Variants in RUNX1T1 observed in about 807,000 individuals in gnomAD.
RUNX1T1 encodes RUNX1 partner transcriptional co-repressor 1.
In RUNX1T1, 4 loss-of-function variants were observed where a neutral mutation model predicts 62.8. That is an observed-to-expected ratio of 0.06 (90% CI 0.03 to 0.15). The LOEUF (loss-of-function observed/expected upper bound fraction) is 0.15. Among genes scored for constraint, RUNX1T1 ranks in the 10% least tolerant of loss-of-function variants. The pLI, the probability that RUNX1T1 is intolerant of heterozygous loss-of-function variation, is 1.00. For synonymous variants in RUNX1T1, 291 were observed against 286.0 expected (o/e 1.02, Z -0.18); for missense variants, 508 against 754.3 (o/e 0.67, Z 3.82).
At chr8:91,985,907 A>G (rs979847874) in intron 8 of RUNX1T1, among the ~76,000 whole-genome samples, 6 of 152,120 alleles carry the variant, frequency 3.9e-5, no homozygotes, top group African/African-American at 1.4e-4. Flanking sequence ...AGCTCAATAC[A>G]CTCACCTGGA....
At chr8:91,999,730 T>A (rs549886032) in intron 5 of RUNX1T1, among the ~76,000 whole-genome samples, 10 of 152,310 alleles carry the variant, frequency 6.6e-5, no homozygotes, top group Admixed American at 5.9e-4. Context: ...ATCTGAAGTG[T>A]TCAGTAAATA....
chr8:91,975,148 C>T (rs1248301613), intron 9 of RUNX1T1, among the ~76,000 whole-genome samples: 1 of 152,162 alleles, frequency 6.6e-6, no homozygotes, highest in East Asian at 1.9e-4. Flanking sequence ...TATGTTTCAT[C>T]TCCTGAGTTG....
chr8:92,060,977 C>T (rs1249949092), intron 1 of RUNX1T1, among the ~76,000 whole-genome samples: 4 of 151,996 alleles, frequency 2.6e-5, no homozygotes, highest in Non-Finnish European at 5.9e-5. Context: ...CAGGCTATTG[C>T]TGTAGAACCA....
chr8:91,998,208 C>T (rs1819082302), intron 5 of RUNX1T1, among the ~76,000 whole-genome samples: 1 of 152,172 alleles, frequency 6.6e-6, no homozygotes, highest in Admixed American at 6.6e-5. Context: ...TCACGTAACA[C>T]ACTTTTATTG....
In RUNX1T1 at chr8:91,981,404, CTTTTTTTTTTT is replaced by C. The variant is rs67366711; in HGVS notation, c.1198+4709_1198+4719del. On this transcript the variant is annotated intron_variant, in intron 8 of 10. Transcript: ENST00000396218. ...TTCAACAAACTCCTAAGTTACTAAG[CTTTTTTTTTTT>C]TTTTTTTTTTTTTTTTTTTGAGGCA... is the stretch of plus-strand genomic sequence containing the variant. 3.9e-4 allele frequency among the ~76,000 whole-genome samples: 25 copies of C among 63,882 alleles called. 1 individual carries two copies. Among genetic ancestry groups the C allele is most frequent in the Middle Eastern group, 0.016 (1 of 62 alleles). 41.9% of individuals were successfully genotyped at this position (63,882 alleles called of 152,430 possible). A position where few individuals can be genotyped will look rare whatever the true frequency, so the allele number is the denominator to read the frequency against.
At chr8:92,003,705 C>G (rs1820192267) in intron 5 of RUNX1T1, among the ~76,000 whole-genome samples, 10 of 152,160 alleles carry the variant, frequency 6.6e-5, no homozygotes, top group Admixed American at 5.9e-4. Context: ...ATGTAAATCA[C>G]CTATTGTTGA....
Position 92,005,300 on chromosome 8 carries a change from G to T in RUNX1T1, c.478-3C>A. 6.2e-7 allele frequency: 1 copy of T among 1,609,970 alleles called. No individual in the cohort carries two copies. The highest frequency in any genetic ancestry group is 8.5e-7 in the Non-Finnish European group (1 of 1,178,978). ...CGCTGCAGCAGGGGCAAGTTGGCCTGCAAGGGAATGACAGGAATGAGAGGA... is the reference window on the plus strand; with the variant it reads ...CGCTGCAGCAGGGGCAAGTTGGCCTTCAAGGGAATGACAGGAATGAGAGGA... On this transcript the variant is annotated splice_region_variant and splice_polypyrimidine_tract_variant and intron_variant, in intron 4 of 10. Coordinates refer to ENST00000396218, the Ensembl canonical transcript of RUNX1T1.
intron 5 of RUNX1T1, among the ~76,000 whole-genome samples, chr8:91,993,264 T>C (rs942315497): frequency 3.3e-5 from 5 of 152,088 alleles, no homozygotes; most frequent in African/African-American, 1.2e-4. Flanking sequence ...ACAACAGAGA[T>C]AATCAGGGGC....
chr8:92,070,492 A>G (rs1268497183), intron 2 of RUNX1T1, among the ~76,000 whole-genome samples: 1 of 152,242 alleles, frequency 6.6e-6, no homozygotes, highest in Admixed American at 6.5e-5. Flanking sequence ...TACGCTGTGC[A>G]TAATAGATCA....
intron 7 of RUNX1T1, 115 bp downstream of exon 8, chr8:91,986,767 TCAAGG>T: frequency 1.4e-6 from 1 of 701,772 alleles, no homozygotes; most frequent in South Asian, 1.6e-5. Context: ...CATTTTTTTT[TCAAGG>T]ATAGCAGGAA....
At chr8:92,054,605 T>C (rs374177362) in intron 1 of RUNX1T1, among the ~76,000 whole-genome samples, 5 of 152,336 alleles carry the variant, frequency 3.3e-5, no homozygotes, top group East Asian at 3.9e-4. Context: ...CAATCAGGCA[T>C]TGACATTCTC....
chr8:92,088,275 T>C (rs1348717652), intron 1 of RUNX1T1, among the ~76,000 whole-genome samples: 1 of 152,220 alleles, frequency 6.6e-6, no homozygotes, highest in Non-Finnish European at 1.5e-5. Flanking sequence ...CCCAGCTGTA[T>C]TTGCTCATCA....
chr8:91,956,579 A>G, downstream of RUNX1T1: 1 of 219,524 alleles, frequency 4.6e-6, no homozygotes, highest in Non-Finnish European at 9.1e-6. Flanking sequence ...AGGTTGACAG[A>G]CCATACATTA....
At chr8:91,987,992 G>A (rs868452241) in intron 6 of RUNX1T1, among the ~76,000 whole-genome samples, 11 of 152,032 alleles carry the variant, frequency 7.2e-5, no homozygotes, top group African/African-American at 2.7e-4. Flanking sequence ...TCCTCTCGTG[G>A]AACTTATGTA....
chr8:91,960,354 G>A (rs913438796), exon 11 of RUNX1T1: 5 of 1,613,866 alleles, frequency 3.1e-6, no homozygotes, highest in Non-Finnish European at 4.2e-6. Flanking sequence ...CGTGACAGAG[G>A]AGCTGACTGC....
chr8:92,040,308 C>A (rs537115429), intron 1 of RUNX1T1, among the ~76,000 whole-genome samples: 1 of 152,282 alleles, frequency 6.6e-6, no homozygotes, highest in South Asian at 2.1e-4. Context: ...AACTTAGCAT[C>A]ACTTATTACA....
chr8:92,061,177 T>C (rs932853000), intron 1 of RUNX1T1, among the ~76,000 whole-genome samples: 1 of 152,146 alleles, frequency 6.6e-6, no homozygotes, highest in African/African-American at 2.4e-5. Flanking sequence ...TATTATGGGG[T>C]TTTGTTTTAC....
rs375505568 is a variant in RUNX1T1, at chr8:92,017,427, T to C, written c.8-64A>G. ...AAGCACCTCAGTTTTTCAAGTGGGG[T>C]TTATCTTTTTTAAAAGCAAGTGAAC... On this transcript the variant is annotated intron_variant, in intron 1 of 10. Transcript: ENST00000396218. The C allele has an allele frequency of 5.0e-6, 8 of 1,612,332 alleles. No individual in the cohort carries two copies. In the African/African-American group the frequency reaches 8.0e-5, roughly 16 times the overall value.
At chr8:91,988,840 A>C (rs1473173253) in intron 6 of RUNX1T1, among the ~76,000 whole-genome samples, 4 of 152,188 alleles carry the variant, frequency 2.6e-5, no homozygotes, top group Non-Finnish European at 2.9e-5. Context: ...ACTTGGTGAA[A>C]AAATGTAAGA....
Sources: allele counts gnomAD v4.1 joint callset (sites outside exome capture counted in the v4.1 genomes callset), GRCh38; gene constraint gnomAD v4.1.1; transcripts MANE v1.5; gene names NCBI Gene and HGNC (gene_info 2026-07-23, HGNC 2026-07-21).